Variants in AP3B1 observed in about 807,000 individuals in gnomAD.
AP3B1 encodes AP-3 complex subunit beta-1.
Under a neutral mutation model 132.5 loss-of-function variants are expected in AP3B1, and 61 were observed. That is an observed-to-expected ratio of 0.46 (90% CI 0.37 to 0.57). The LOEUF is 0.57. AP3B1 is among the 20% of genes least tolerant of loss of function. The pLI is 0.00. For synonymous variants in AP3B1, 388 were observed against 438.3 expected, an observed-to-expected ratio of 0.89 and a Z score of 1.43; for missense variants, 1,120 against 1,289.4, an observed-to-expected ratio of 0.87 and a Z score of 2.01.
At chr5:78,036,975 T>G (rs556392115) in intron 23 of AP3B1, among the ~76,000 whole-genome samples, 43 of 152,246 alleles carry the variant, frequency 2.8e-4, no homozygotes, top group African/African-American at 9.6e-4. Context: ...ACAAAAGAAC[T>G]CTGTATCTTG....
At chr5:78,086,969 A>C (rs996255079) in intron 22 of AP3B1, among the ~76,000 whole-genome samples, 1 of 152,138 alleles carries the variant, frequency 6.6e-6, no homozygotes, top group Non-Finnish European at 1.5e-5. Flanking sequence ...AACCCGTAGC[A>C]TTTGCGTTGC....
At chr5:78,017,391 A>C (rs1305822161) in intron 25 of AP3B1, among the ~76,000 whole-genome samples, 1 of 152,076 alleles carries the variant, frequency 6.6e-6, no homozygotes, top group Non-Finnish European at 1.5e-5. Flanking sequence ...AATCAAGATT[A>C]ATTTACATGC....
intron 22 of AP3B1, among the ~76,000 whole-genome samples, chr5:78,044,684 T>C (rs1006329470): frequency 6.6e-6 from 1 of 151,550 alleles, no homozygotes; most frequent in East Asian, 2.0e-4. Flanking sequence ...ACAAGGTGGT[T>C]AGAAGTATGC....
chr5:78,071,368 T>A (rs965676794), intron 22 of AP3B1, among the ~76,000 whole-genome samples: 2 of 151,914 alleles, frequency 1.3e-5, no homozygotes, highest in African/African-American at 4.8e-5. Flanking sequence ...TGAGAACACA[T>A]GGACACAGGG....
At chr5:78,148,768 T>A (rs1279818944) in intron 14 of AP3B1, among the ~76,000 whole-genome samples, 1 of 152,170 alleles carries the variant, frequency 6.6e-6, no homozygotes, top group Non-Finnish European at 1.5e-5. Flanking sequence ...AACCTCATAA[T>A]CATGTGTAAA....
Position 78,193,771 on chromosome 5 carries a change from T to TATA in AP3B1, c.787-12110_787-12109insTAT, listed in dbSNP as rs1491367040. Among the ~76,000 whole-genome samples the TATA allele has an allele frequency of 2.2e-4, 17 of 78,118 alleles. No individual in the cohort carries two copies. In the South Asian group the frequency reaches 4.0e-3, roughly 19 times the overall value. The allele number at this position is 78,118 out of a possible 152,430, so 51.2% of individuals were successfully genotyped here. On this transcript the variant is annotated intron_variant, in intron 7 of 26. Coordinates refer to ENST00000255194, the MANE Select transcript of AP3B1 (RefSeq NM_003664.5). Reference sequence around the variant, plus strand: ...ATATATATATATATATATATATATATTTTTTTTTTAGACAGAGTCTCGCTC... The same window carrying TATA: ...ATATATATATATATATATATATATATATATTTTTTTTTAGACAGAGTCTCGCTC...
intron 1 of AP3B1, among the ~76,000 whole-genome samples, chr5:78,276,923 T>C (rs760890310): frequency 4.5e-4 from 66 of 146,598 alleles, no homozygotes; most frequent in Middle Eastern, 7.1e-3. Flanking sequence ...CAATACAAAA[T>C]CAGAAAGATT....
intron 14 of AP3B1, among the ~76,000 whole-genome samples, chr5:78,141,823 A>G (rs1935403130): frequency 6.6e-6 from 1 of 152,218 alleles, no homozygotes; most frequent in African/African-American, 2.4e-5. Flanking sequence ...CTAAAAAGAC[A>G]GGTCCTGGGA....
chr5:78,141,060 A>C, intron 15 of AP3B1, 83 bp downstream of exon 15: 2 of 1,281,624 alleles, frequency 1.6e-6, no homozygotes, highest in Non-Finnish European at 2.3e-6. Flanking sequence ...TGGTCAGACT[A>C]ATGAAGGCAC....
chr5:78,053,772 T>C (rs1381570185), intron 22 of AP3B1, among the ~76,000 whole-genome samples: 1 of 152,050 alleles, frequency 6.6e-6, no homozygotes, highest in Non-Finnish European at 1.5e-5. Context: ...CCCTTATGAC[T>C]TCTCTTGCTT....
intron 22 of AP3B1, among the ~76,000 whole-genome samples, chr5:78,057,343 C>T (rs252778): frequency 0.27 from 41,365 of 152,012 alleles, 6,559 homozygotes; most frequent in African/African-American, 0.41. Context: ...TTCCTTTCCA[C>T]ACTTAGTTCC....
At chr5:78,163,855 T>A (rs1040134808) in intron 12 of AP3B1, among the ~76,000 whole-genome samples, 1 of 151,858 alleles carries the variant, frequency 6.6e-6, no homozygotes, top group Non-Finnish European at 1.5e-5. Flanking sequence ...ATCATATACA[T>A]GAAATTTGAA....
chr5:78,135,066 T>C (rs1752854815), intron 15 of AP3B1, among the ~76,000 whole-genome samples: 2 of 152,110 alleles, frequency 1.3e-5, no homozygotes, highest in Non-Finnish European at 2.9e-5. Context: ...TTAAATCACA[T>C]TAAAGAGGCT....
At chr5:78,102,446 T>C (rs184045195) in intron 20 of AP3B1, among the ~76,000 whole-genome samples, 1 of 152,248 alleles carries the variant, frequency 6.6e-6, no homozygotes, top group African/African-American at 2.4e-5. Flanking sequence ...GTTGTTTTAA[T>C]TTTCATTCCT....
chr5:78,085,517 C>A (rs1355509235), intron 22 of AP3B1, among the ~76,000 whole-genome samples: 1 of 152,152 alleles, frequency 6.6e-6, no homozygotes, highest in Non-Finnish European at 1.5e-5. Context: ...TATCAGCACC[C>A]CAGAAGCTAC....
chr5:78,066,225 G>A (rs558931505), intron 22 of AP3B1, among the ~76,000 whole-genome samples: 1 of 152,252 alleles, frequency 6.6e-6, no homozygotes, highest in South Asian at 2.1e-4. Flanking sequence ...ATGAAAAACT[G>A]CTGGAAACTC....
chr5:78,022,869 G>A (rs1747163377), intron 24 of AP3B1, among the ~76,000 whole-genome samples: 1 of 152,100 alleles, frequency 6.6e-6, no homozygotes, highest in Non-Finnish European at 1.5e-5. Context: ...GATCTTAAGA[G>A]ACAGCTTCTG....
intron 8 of AP3B1, among the ~76,000 whole-genome samples, chr5:78,178,978 T>G (rs1473578620): frequency 6.6e-6 from 1 of 152,224 alleles, no homozygotes; most frequent in Admixed American, 6.5e-5. Flanking sequence ...TTCTTGTACT[T>G]TCTTACAAGT....
chr5:78,053,825 C>A (rs897088988), intron 22 of AP3B1, among the ~76,000 whole-genome samples: 1 of 152,112 alleles, frequency 6.6e-6, no homozygotes, highest in Non-Finnish European at 1.5e-5. Flanking sequence ...TCATTAGGTT[C>A]GTTTTACTCT....
Sources: allele counts gnomAD v4.1 joint callset (sites outside exome capture counted in the v4.1 genomes callset), GRCh38; gene constraint gnomAD v4.1.1; transcripts MANE v1.5; gene names NCBI Gene and HGNC (gene_info 2026-07-23, HGNC 2026-07-21).